The following TOGARAM1 variants were observed in gnomAD, a reference collection of about 807,000 sequenced individuals.
TOGARAM1 encodes TOG array regulator of axonemal microtubules 1.
A neutral mutation model predicts 166.6 loss-of-function variants in TOGARAM1; 100 were observed. That is an observed-to-expected ratio of 0.60 (90% confidence interval 0.51 to 0.71). The LOEUF (loss-of-function observed/expected upper bound fraction) is 0.71. Ranked by LOEUF, TOGARAM1 falls within the 30% of genes least tolerant of loss-of-function variation. The pLI is 0.00. For missense variants in TOGARAM1, 2,029 were observed against 2,102.7 expected, an observed-to-expected ratio of 0.96 and a Z score of 0.69; for synonymous variants, 758 against 763.8, an observed-to-expected ratio of 0.99 and a Z score of 0.13.
intron 2 of TOGARAM1, chr14:44,997,052 TGTA>T (rs1887448457): frequency 6.6e-6 from 1 of 152,224 alleles, no homozygotes; most frequent in Non-Finnish European, 1.5e-5. Context: ...AAGAATCTGT[TGTA>T]GTAATCGTGG....
chr14:44,974,025 T>G (rs1386557764), intron 1 of TOGARAM1, among the ~76,000 whole-genome samples: 1 of 151,946 alleles, frequency 6.6e-6, no homozygotes, highest in African/African-American at 2.4e-5. Context: ...GGTTTTTCTC[T>G]GAGTTTCCTA....
At chr14:45,022,520 G>T (rs1478537727) in intron 7 of TOGARAM1, among the ~76,000 whole-genome samples, 1 of 151,498 alleles carries the variant, frequency 6.6e-6, no homozygotes, top group Non-Finnish European at 1.5e-5. Context: ...CCATCTGATA[G>T]GTGCTATCAA....
chr14:45,021,618 A>G (rs770266268), intron 7 of TOGARAM1, among the ~76,000 whole-genome samples: 1 of 151,456 alleles, frequency 6.6e-6, no homozygotes, highest in Non-Finnish European at 1.5e-5. Flanking sequence ...TTCTTTTGGC[A>G]GTAGCCAGGG....
At chr14:44,982,540 GCACGAGGTCTGTAGTTTTTT>G (rs1202621766) in intron 1 of TOGARAM1, among the ~76,000 whole-genome samples, 1 of 152,142 alleles carries the variant, frequency 6.6e-6, no homozygotes, top group Non-Finnish European at 1.5e-5. Context: ...GTGTATGTGG[GCACGAGGTCTGTAGTTTTTT>G]CAAGGTAGAG....
At position 45,052,780 on chromosome 14, in the gene TOGARAM1, G is replaced by A. The variant is rs1387123059; in HGVS notation, c.4440+218G>A. Among the ~76,000 whole-genome samples the A allele has an allele frequency of 5.3e-5, 8 of 152,162 alleles. 1 individual carries two copies. Among genetic ancestry groups the A allele is most frequent in the Admixed American group, 5.2e-4 (8 of 15,258 alleles). ...AATGTTTATTGCACAGAAGCTTGAT[G>A]TTTGGTAGAATATAGTTTGGCTTAT... On this transcript the variant is annotated intron_variant, in intron 15 of 19. Coordinates refer to ENST00000361462, the MANE Select transcript of TOGARAM1 (RefSeq NM_001308120.2).
At chr14:45,044,894 A>G (rs749005175) in intron 13 of TOGARAM1, 24 bp downstream of exon 13, 4 of 1,546,716 alleles carry the variant, frequency 2.6e-6, no homozygotes, top group East Asian at 2.3e-5. Flanking sequence ...TAACCTTGAA[A>G]TGTCTTTAAA....
At chr14:45,043,539 T>C in intron 11 of TOGARAM1, 147 bp from the exon 12 acceptor site, 1 of 616,064 alleles carries the variant, frequency 1.6e-6, no homozygotes, top group Non-Finnish European at 2.9e-6. Flanking sequence ...CAACCTCTGC[T>C]AAACTCAAAA....
At chr14:44,970,100 A>G (rs1885799448) in intron 1 of TOGARAM1, among the ~76,000 whole-genome samples, 1 of 152,104 alleles carries the variant, frequency 6.6e-6, no homozygotes, top group Admixed American at 6.5e-5. Context: ...TTTGATTGGG[A>G]TTGCATTGAA....
At chr14:44,972,942 A>T (rs1007021899) in intron 1 of TOGARAM1, among the ~76,000 whole-genome samples, 1 of 152,148 alleles carries the variant, frequency 6.6e-6, no homozygotes, top group African/African-American at 2.4e-5. Context: ...TTTGTTATAC[A>T]TCGTTGTGCT....
At chr14:44,968,971 A>T (rs1325886861) in intron 1 of TOGARAM1, among the ~76,000 whole-genome samples, 2 of 151,954 alleles carry the variant, frequency 1.3e-5, no homozygotes, top group African/African-American at 2.4e-5. Flanking sequence ...CTGTCTCCAT[A>T]GTTTTGTCAT....
chr14:44,994,325 G>A (rs1385890854), intron 1 of TOGARAM1, among the ~76,000 whole-genome samples: 1 of 151,078 alleles, frequency 6.6e-6, no homozygotes, highest in Non-Finnish European at 1.5e-5. Context: ...CACCATGTTA[G>A]CCAGGCTGGT....
chr14:45,052,244 C>T (rs570082617), intron 14 of TOGARAM1, among the ~76,000 whole-genome samples, 192 bp from the exon 15 acceptor site: 6 of 152,262 alleles, frequency 3.9e-5, no homozygotes, highest in Admixed American at 6.5e-5. Flanking sequence ...CGTTGTAAGT[C>T]GGAGACCATC....
chr14:45,063,347 C>T (rs1882985169), intron 16 of TOGARAM1, among the ~76,000 whole-genome samples: 1 of 152,074 alleles, frequency 6.6e-6, no homozygotes, highest in Non-Finnish European at 1.5e-5. Context: ...TTTTGAAGAA[C>T]CAGCAGAAAG....
chr14:44,974,714 C>G (rs534879691), intron 1 of TOGARAM1, among the ~76,000 whole-genome samples: 1 of 150,840 alleles, frequency 6.6e-6, no homozygotes, highest in African/African-American at 2.4e-5. Flanking sequence ...CATAAAATAT[C>G]TTAGCATTTT....
intron 3 of TOGARAM1, among the ~76,000 whole-genome samples, chr14:45,000,885 T>C (rs1887663449): frequency 6.6e-6 from 1 of 152,066 alleles, no homozygotes; most frequent in Non-Finnish European, 1.5e-5. Context: ...AGATATACAC[T>C]ACTATGTCTG....
chr14:44,963,355 G>C lies in TOGARAM1; in HGVS notation c.934G>C (p.Glu312Gln). ...GAGGAGACACTACAATCGCCGCCTG[G>C]AGTCCCAGTTTGGAAGTCAGGTTCC... ...ALRRHYNRRL[E>Q]SQFGSQVPYY... is the part of the protein sequence containing the mutation. The change falls in exon 1 of 20, where the codon GAG becomes CAG. Residue 312 changes from glutamate (E) to glutamine (Q), a missense_variant. By Grantham distance (29) the Glu-to-Gln change is conservative. Transcript: ENST00000361462. 6.2e-7 allele frequency: 1 copy of C among 1,614,140 alleles called. No individual in the cohort carries two copies. The highest frequency in any genetic ancestry group is 8.5e-7 in the Non-Finnish European group (1 of 1,180,026).
At chr14:45,020,556 T>C (rs574246826) in intron 7 of TOGARAM1, among the ~76,000 whole-genome samples, 146 of 152,328 alleles carry the variant, frequency 9.6e-4, no homozygotes, top group Non-Finnish European at 1.3e-3. Context: ...ACTCTTTTGT[T>C]GCGGGGCTTA....
At chr14:45,009,774 A>G (rs1203814392) in intron 6 of TOGARAM1, among the ~76,000 whole-genome samples, 2 of 152,068 alleles carry the variant, frequency 1.3e-5, no homozygotes. Context: ...CCTTAACCTC[A>G]CTTAACTGGT....
chr14:45,037,358 A>G (rs557138381), intron 11 of TOGARAM1, among the ~76,000 whole-genome samples: 4 of 152,284 alleles, frequency 2.6e-5, no homozygotes, highest in African/African-American at 9.6e-5. Flanking sequence ...AAATCTGCAA[A>G]TCTCTTTTGC....
Sources: gnomAD v4.1 joint callset for allele counts (sites outside exome capture counted in the v4.1 genomes callset) on GRCh38, gnomAD v4.1.1 for gene constraint, MANE v1.5 for transcripts, NCBI Gene and HGNC (gene_info 2026-07-23, HGNC 2026-07-21) for gene names.